The following ZCCHC7 variants were observed in gnomAD, a reference collection of about 807,000 sequenced individuals.
ZCCHC7 encodes zinc finger CCHC-type containing 7.
ZCCHC7 carries 35 observed loss-of-function variants against 52.0 expected under a neutral mutation model. That is an observed-to-expected ratio of 0.67 (90% confidence interval 0.51 to 0.89). ZCCHC7 has a LOEUF of 0.89. Ranked by LOEUF, ZCCHC7 falls within the 40% of genes least tolerant of loss-of-function variation. ZCCHC7 has a pLI of 0.00. For missense variants in ZCCHC7, 574 were observed against 649.1 expected (o/e 0.88, Z 1.26); for synonymous variants, 217 against 221.5 (o/e 0.98, Z 0.18).
chr9:37,251,030 T>C (rs765997523), intron 2 of ZCCHC7, among the ~76,000 whole-genome samples: 12 of 152,216 alleles, frequency 7.9e-5, no homozygotes, highest in Non-Finnish European at 1.5e-4. Context: ...TTTCTTCAAA[T>C]TGAAGTTCTC....
intron 6 of ZCCHC7, among the ~76,000 whole-genome samples, chr9:37,335,766 T>G (rs540597913): frequency 1.2e-3 from 179 of 152,292 alleles, no homozygotes; most frequent in Non-Finnish European, 1.7e-3. Flanking sequence ...TTTACCTCAG[T>G]TTTCATTTTC....
intron 2 of ZCCHC7, among the ~76,000 whole-genome samples, chr9:37,203,083 A>G (rs1329166663): frequency 1.3e-5 from 2 of 152,196 alleles, no homozygotes; most frequent in Admixed American, 1.3e-4. Context: ...GCAGGGTGGT[A>G]TCTTGAACAA....
At chr9:37,299,726 T>C (rs1828946181) in intron 2 of ZCCHC7, among the ~76,000 whole-genome samples, 1 of 152,224 alleles carries the variant, frequency 6.6e-6, no homozygotes, top group Non-Finnish European at 1.5e-5. Context: ...CCTGGTGATG[T>C]CTTTGCTTCA....
At chr9:37,337,182 G>C (rs1830709931) in intron 6 of ZCCHC7, among the ~76,000 whole-genome samples, 1 of 152,198 alleles carries the variant, frequency 6.6e-6, no homozygotes, top group African/African-American at 2.4e-5. Flanking sequence ...ATAAAATGTG[G>C]CAAATAGATT....
intron 2 of ZCCHC7, among the ~76,000 whole-genome samples, chr9:37,209,350 T>G (rs1824089306): frequency 6.6e-6 from 1 of 152,040 alleles, no homozygotes; most frequent in Admixed American, 6.6e-5. Flanking sequence ...ATTTTTTTTT[T>G]AAAGTTCCAA....
intron 2 of ZCCHC7, among the ~76,000 whole-genome samples, chr9:37,230,732 TA>T (rs1471500114): frequency 6.6e-6 from 1 of 152,222 alleles, no homozygotes; most frequent in Non-Finnish European, 1.5e-5. Context: ...TAAATATGTG[TA>T]TAATGAATTA....
chr9:37,356,786 A>C (rs373972242), intron 8 of ZCCHC7, 49 bp from the exon 9 acceptor site: 2 of 1,511,812 alleles, frequency 1.3e-6, no homozygotes, highest in South Asian at 2.7e-5. Context: ...AAAGCTCAGC[A>C]TGGACTGTTT....
At position 37,357,032 on chromosome 9, in the gene ZCCHC7, C is replaced by T. The variant is rs370414974; in HGVS notation, c.1396C>T (p.His466Tyr). 1 of 1,613,820 alleles carries T rather than the reference C, an allele frequency of 6.2e-7. No individual in the cohort carries two copies. Among genetic ancestry groups the T allele is most frequent in the Non-Finnish European group, 8.5e-7 (1 of 1,179,940 alleles). The change falls in exon 9 of 9, where the codon CAT (histidine) becomes TAT (tyrosine). Residue 466 changes from histidine (H) to tyrosine (Y), a missense_variant. Coordinates refer to ENST00000336755, the MANE Select transcript of ZCCHC7 (RefSeq NM_032226.3). The part of the protein sequence containing the change: ...NWEKHRKADR[H>Y]REVDEDFPRG... ...GGAGAAGCACAGGAAGGCTGACAGACATCGTGAAGTGGATGAGGATTTTCC... is the reference window on the plus strand; with the variant it reads ...GGAGAAGCACAGGAAGGCTGACAGATATCGTGAAGTGGATGAGGATTTTCC...
chr9:37,134,985 C>A (rs1842939752), intron 2 of ZCCHC7, among the ~76,000 whole-genome samples: 1 of 152,156 alleles, frequency 6.6e-6, no homozygotes, highest in Admixed American at 6.5e-5. Context: ...CCTCGGCCTC[C>A]CAAAGTGCTA....
chr9:37,348,347 GTTCTTTCTTTCTTTCTTTCTTTCT>G (rs58182218), intron 6 of ZCCHC7, among the ~76,000 whole-genome samples: 2 of 135,486 alleles, frequency 1.5e-5, no homozygotes, highest in Non-Finnish European at 3.1e-5. Context: ...ATACCAGTTC[GTTCTTTCTTTCTTTCTTTCTTTCT>G]TTCTTTCTTT....
intron 2 of ZCCHC7, among the ~76,000 whole-genome samples, chr9:37,152,581 T>C (rs1820589848): frequency 6.6e-6 from 1 of 152,154 alleles, no homozygotes; most frequent in Non-Finnish European, 1.5e-5. Context: ...TTGAGGAATG[T>C]TAGGTATTTT....
chr9:37,308,997 A>C (rs1037488097), intron 5 of ZCCHC7, among the ~76,000 whole-genome samples: 9 of 150,524 alleles, frequency 6.0e-5, no homozygotes, highest in East Asian at 1.9e-4. Flanking sequence ...AAAAAAAAAA[A>C]CAGCCTGGGC....
chr9:37,349,255 GA>G, intron 6 of ZCCHC7, 101 bp from the exon 7 acceptor site: 3 of 1,172,548 alleles, frequency 2.6e-6, no homozygotes, highest in Admixed American at 2.3e-5. Flanking sequence ...AAAACTCTAA[GA>G]AACTTCTAAG....
intron 2 of ZCCHC7, among the ~76,000 whole-genome samples, chr9:37,245,412 G>A (rs1042975549): frequency 8.6e-5 from 13 of 152,012 alleles, no homozygotes; most frequent in African/African-American, 2.9e-4. Context: ...AAATATACTA[G>A]CAAATTATTA....
intron 2 of ZCCHC7, among the ~76,000 whole-genome samples, chr9:37,242,557 T>C (rs74640484): frequency 0.024 from 3,578 of 151,888 alleles, 70 homozygotes; most frequent in Non-Finnish European, 0.035. Flanking sequence ...ACCAAGTACT[T>C]ATATCAGAAA....
chr9:37,245,560 G>A (rs969999141), intron 2 of ZCCHC7, among the ~76,000 whole-genome samples: 1 of 152,046 alleles, frequency 6.6e-6, no homozygotes, highest in South Asian at 2.1e-4. Context: ...TAACTAGTTC[G>A]TAGCCTAAGA....
intron 2 of ZCCHC7, among the ~76,000 whole-genome samples, chr9:37,216,102 C>G (rs553221823): frequency 1.3e-5 from 2 of 152,118 alleles, no homozygotes; most frequent in Non-Finnish European, 2.9e-5. Context: ...TTAAACTGTT[C>G]CTGACATCCT....
intron 2 of ZCCHC7, among the ~76,000 whole-genome samples, chr9:37,254,976 TAACTAGTATCAG>T (rs1468968021): frequency 6.6e-6 from 1 of 151,766 alleles, no homozygotes; most frequent in African/African-American, 2.4e-5. Flanking sequence ...TGATGCCTTA[TAACTAGTATCAG>T]AAGAGCCTCT....
chr9:37,133,374 TTC>T (rs1842870141), intron 2 of ZCCHC7, among the ~76,000 whole-genome samples: 1 of 147,826 alleles, frequency 6.8e-6, no homozygotes, highest in African/African-American at 2.5e-5. Flanking sequence ...CTGGAATATT[TTC>T]TTTTTTTTTT....
Sources: allele counts gnomAD v4.1 joint callset (sites outside exome capture counted in the v4.1 genomes callset), GRCh38; gene constraint gnomAD v4.1.1; transcripts MANE v1.5; gene names NCBI Gene and HGNC (gene_info 2026-07-23, HGNC 2026-07-21).